The following CALN1 variants were observed in gnomAD, a reference collection of about 807,000 sequenced individuals.
CALN1 encodes the protein calcium-binding protein 8.
A neutral mutation model predicts 30.6 loss-of-function variants in CALN1; 17 were observed. The observed-to-expected ratio is 0.56, with a 90% CI of 0.38 to 0.83. The LOEUF is 0.83. Among genes scored for constraint, CALN1 ranks in the 40% least tolerant of loss-of-function variants. CALN1 has a pLI of 0.00. For missense variants in CALN1, 291 were observed against 354.9 expected (o/e 0.82, Z 1.45); for synonymous variants, 156 against 131.4 (o/e 1.19, Z -1.28).
chr7:72,382,819 T>TCTCACCATTGCCAGG (rs1248409966), intron 2 of CALN1, among the ~76,000 whole-genome samples: 2 of 151,960 alleles, frequency 1.3e-5, no homozygotes, highest in African/African-American at 4.8e-5. Context: ...TGAGATGGAG[T>TCTCACCATTGCCAGG]CTCACCATTG....
At chr7:72,303,661 C>T (rs1158966100) in intron 2 of CALN1, among the ~76,000 whole-genome samples, 2 of 152,036 alleles carry the variant, frequency 1.3e-5, no homozygotes, top group African/African-American at 2.4e-5. Flanking sequence ...AGAGTGGGCT[C>T]GCCCTCCCTC....
At chr7:71,971,988 A>C in intron 5 of CALN1, among the ~76,000 whole-genome samples, 1 of 142,106 alleles carries the variant, frequency 7.0e-6, no homozygotes, top group East Asian at 2.2e-4. Context: ...AAAGAAAGAA[A>C]GAAAGAGAAA....
At chr7:72,241,455 C>T (rs1164845132) in intron 3 of CALN1, among the ~76,000 whole-genome samples, 1 of 152,086 alleles carries the variant, frequency 6.6e-6, no homozygotes, top group African/African-American at 2.4e-5. Context: ...ACCTGTAATC[C>T]CAGCACTTTT....
chr7:71,866,057 G>A (rs1247931987), intron 5 of CALN1, among the ~76,000 whole-genome samples: 1 of 151,852 alleles, frequency 6.6e-6, no homozygotes, highest in Non-Finnish European at 1.5e-5. Context: ...CCAGGTTGGA[G>A]TGCAGTGGCA....
intron 5 of CALN1, among the ~76,000 whole-genome samples, chr7:71,872,576 G>T (rs1486301281): frequency 5.3e-5 from 8 of 151,164 alleles, no homozygotes; most frequent in Non-Finnish European, 1.0e-4. Context: ...TTTTTCTTAT[G>T]TCTGTCTCTA....
chr7:72,450,021 C>A (rs542045486), upstream of CALN1, among the ~76,000 whole-genome samples: 1 of 151,486 alleles, frequency 6.6e-6, no homozygotes, highest in Admixed American at 6.6e-5. Context: ...GACTAGGCAA[C>A]ATAGCAAGAT....
chr7:72,257,461 A>G (rs1795990190), intron 3 of CALN1, among the ~76,000 whole-genome samples: 2 of 152,134 alleles, frequency 1.3e-5, no homozygotes, highest in South Asian at 4.1e-4. Flanking sequence ...ATAAAAAAAA[A>G]TAGATGTTGG....
At chr7:72,329,829 C>A (rs1353861316) in intron 2 of CALN1, among the ~76,000 whole-genome samples, 1 of 151,988 alleles carries the variant, frequency 6.6e-6, no homozygotes, top group Non-Finnish European at 1.5e-5. Flanking sequence ...TGCCACGCAC[C>A]TGTAATTCCA....
Position 72,367,888 on chromosome 7 carries a change from C to G in CALN1, c.119+35363G>C, listed in dbSNP as rs561502226. ...GTGGCTCACACCTGTAATAACAACA[C>G]TTTGGGAGGCCGAGGCGGATGGATC... On this transcript the variant is annotated intron_variant, in intron 2 of 6. Transcript: ENST00000395275. Among the ~76,000 whole-genome samples the G allele has an allele frequency of 9.9e-5, 15 of 152,086 alleles. No individual in the cohort carries two copies. The South Asian group carries it at 2.9e-3, about 29-fold the overall frequency.
chr7:72,329,526 T>TA (rs1160070058), intron 2 of CALN1, among the ~76,000 whole-genome samples: 4 of 152,234 alleles, frequency 2.6e-5, no homozygotes, highest in Non-Finnish European at 5.9e-5. Flanking sequence ...CCTTCTCCTC[T>TA]AATGAACCCA....
At chr7:72,198,313 C>T (rs1013520195) in intron 3 of CALN1, among the ~76,000 whole-genome samples, 1 of 152,178 alleles carries the variant, frequency 6.6e-6, no homozygotes, top group African/African-American at 2.4e-5. Context: ...ATGTAAAAGA[C>T]GTTGGCTTCC....
chr7:72,481,347 C>G, the CALN1 span, among the ~76,000 whole-genome samples: 1 of 152,234 alleles, frequency 6.6e-6, no homozygotes, highest in Non-Finnish European at 1.5e-5. Context: ...CCTAGGCTTC[C>G]CAAAGGGCTG....
intron 5 of CALN1, among the ~76,000 whole-genome samples, chr7:71,824,124 C>T (rs1367543500): frequency 6.6e-6 from 1 of 152,126 alleles, no homozygotes; most frequent in Admixed American, 6.5e-5. Flanking sequence ...ATCTCGAACT[C>T]CTGGACTCAA....
At chr7:72,253,766 A>G (rs890509299) in intron 3 of CALN1, among the ~76,000 whole-genome samples, 4 of 152,112 alleles carry the variant, frequency 2.6e-5, no homozygotes, top group Non-Finnish European at 4.4e-5. Flanking sequence ...TTATAGACAA[A>G]GTCTCACTCT....
At chr7:72,055,108 A>C (rs1803168367) in intron 4 of CALN1, among the ~76,000 whole-genome samples, 1 of 152,206 alleles carries the variant, frequency 6.6e-6, no homozygotes, top group Non-Finnish European at 1.5e-5. Flanking sequence ...ATCATAGTAC[A>C]TGAGTTAACT....
rs11981872 is a variant in CALN1 at position 72,373,992 on chromosome 7, A to G, written c.119+29259T>C. On this transcript the variant is annotated intron_variant, in intron 2 of 6. Transcript: ENST00000395275. The stretch of plus-strand genomic sequence containing the variant: ...GAAAGTGCTGAAAGGAAAGAATATT[A>G]AACCAAGAACTCTATATCCAGTGGA... Among the ~76,000 whole-genome samples, 1,483 of 152,320 alleles carry G rather than the reference A, an allele frequency of 9.7e-3. 23 individuals carry two copies. Among genetic ancestry groups the G allele is most frequent in the African/African-American group, 0.034 (1,422 of 41,584 alleles).
chr7:72,138,072 G>A (rs538358260), intron 3 of CALN1, among the ~76,000 whole-genome samples: 1 of 152,242 alleles, frequency 6.6e-6, no homozygotes, highest in East Asian at 1.9e-4. Flanking sequence ...TCCATGTGGT[G>A]AAATATTACA....
the CALN1 span, among the ~76,000 whole-genome samples, chr7:72,493,315 G>C: frequency 6.6e-6 from 1 of 151,888 alleles, no homozygotes; most frequent in Non-Finnish European, 1.5e-5. Flanking sequence ...ATGTTTTCAA[G>C]GTTTGTCCAT....
chr7:72,482,415 T>G, the CALN1 span, among the ~76,000 whole-genome samples: 1 of 152,166 alleles, frequency 6.6e-6, no homozygotes, highest in Non-Finnish European at 1.5e-5. Context: ...GTTTTCTATT[T>G]GTTCCATCTG....
Sources: allele counts gnomAD v4.1 joint callset (sites outside exome capture counted in the v4.1 genomes callset), GRCh38; gene constraint gnomAD v4.1.1; transcripts MANE v1.5; gene names NCBI Gene and HGNC (gene_info 2026-07-23, HGNC 2026-07-21).